The following GIT2 variants were observed in gnomAD, a reference collection of about 807,000 sequenced individuals.
GIT2 encodes ARF GTPase-activating protein GIT2.
In GIT2, 32 loss-of-function variants were observed where a neutral mutation model predicts 100.3. The observed-to-expected ratio is 0.32, with a 90% CI of 0.24 to 0.43. The LOEUF (loss-of-function observed/expected upper bound fraction) is 0.43, where lower values mean the gene tolerates loss of function less well. Ranked by LOEUF, GIT2 falls within the 20% of genes least tolerant of loss-of-function variation. The pLI, the probability that GIT2 is intolerant of heterozygous loss-of-function variation, is 1.00. For synonymous variants in GIT2, 353 were observed against 364.1 expected (o/e 0.97, Z 0.35); for missense variants, 737 against 975.1 (o/e 0.76, Z 3.25).
Position 109,945,338 on chromosome 12 carries a change from A to C in GIT2, c.1653T>G (p.Ser551Arg). The C allele has an allele frequency of 1.3e-6, 2 of 1,512,726 alleles. No individual in the cohort carries two copies. Among genetic ancestry groups the C allele is most frequent in the Non-Finnish European group, 1.8e-6 (2 of 1,088,698 alleles). 93.7% of individuals were successfully genotyped at this position (1,512,726 alleles called of 1,614,324 possible). A position where few individuals can be genotyped will look rare whatever the true frequency, so the allele number is the denominator to read the frequency against. Residue 551 changes from serine to arginine, a missense_variant, in exon 16 of 20, where the codon AGT (serine) becomes AGG (arginine). Physicochemically the swap from Ser to Arg is moderately radical, Grantham distance 110. Around this residue, in one of 3 missense-constraint regions of GIT2, gnomAD observed 451 missense variants for 543.7 expected, o/e 0.83. Coordinates refer to ENST00000355312, the MANE Select transcript of GIT2 (RefSeq NM_057169.5). ...LQPFPAHIGRSALVTSSSSLP... is the reference protein window; with the variant it reads ...LQPFPAHIGRRALVTSSSSLP... Reference sequence around the variant, plus strand: ...GAGATGAAGAGGAGGTCACAAGTGCACTCCTCCCGATCTGGAATGGGAAAG... The same window carrying C: ...GAGATGAAGAGGAGGTCACAAGTGCCCTCCTCCCGATCTGGAATGGGAAAG...
chr12:109,988,788 G>A (rs1368373862), intron 4 of GIT2, among the ~76,000 whole-genome samples, 175 bp downstream of exon 4: 1 of 150,116 alleles, frequency 6.7e-6, no homozygotes, highest in Non-Finnish European at 1.5e-5. Flanking sequence ...GGGAGGCAGA[G>A]GCTGCAGGGA....
In GIT2 at chr12:109,991,721, C is replaced by T; in HGVS notation, c.92G>A (p.Cys31Tyr). 6.2e-7 allele frequency: 1 copy of T among 1,613,134 alleles called. No individual in the cohort carries two copies. The highest frequency in any genetic ancestry group is 8.5e-7 in the Non-Finnish European group (1 of 1,179,214). The change falls in exon 2 of 20, where the codon TGT (cysteine) becomes TAT (tyrosine). Residue 31 changes from cysteine (C) to tyrosine (Y), a missense_variant. Around this residue, in one of 3 missense-constraint regions of GIT2, gnomAD observed 266 missense variants for 376.2 expected, o/e 0.71. Transcript: ENST00000355312. ...WASVNRGTFL[C>Y]DECCSVHRSL... ...CCGATGGACACTGCAGCACTCATCA[C>T]ATAAAAACGTTCCCCTATTTACTGA...
intron 15 of GIT2, among the ~76,000 whole-genome samples, chr12:109,945,776 A>G (rs1287454820): frequency 6.6e-6 from 1 of 152,218 alleles, no homozygotes; most frequent in Non-Finnish European, 1.5e-5. Context: ...CTAAAATAAG[A>G]AAGTACACTG....
At chr12:109,971,032 C>T (rs571312409) in intron 7 of GIT2, among the ~76,000 whole-genome samples, 36 of 152,320 alleles carry the variant, frequency 2.4e-4, no homozygotes, top group South Asian at 8.3e-4. Flanking sequence ...GTAGTCCTCC[C>T]GCCGTGGCCT....
rs891450412 is a variant in GIT2, at chr12:109,961,690, A to G, written c.817-5T>C. On this transcript the variant is annotated splice_polypyrimidine_tract_variant and splice_region_variant and intron_variant, in intron 9 of 19. Coordinates refer to ENST00000355312, the MANE Select transcript of GIT2 (RefSeq NM_057169.5). ...TTCAAACAAATGATTACTTAGCTGA[A>G]AATAAAAAATATCAGGAACACAAGG... The G allele has an allele frequency of 9.8e-6, 15 of 1,536,468 alleles. No homozygotes were observed. The African/African-American group carries it at 1.9e-4, about 20-fold the overall frequency.
intron 12 of GIT2, among the ~76,000 whole-genome samples, chr12:109,954,768 G>A (rs1053241973): frequency 2.0e-5 from 3 of 151,788 alleles, no homozygotes; most frequent in African/African-American, 7.3e-5. Context: ...GCGTGGTGGT[G>A]CACATCTGTA....
chr12:109,974,014 C>G (rs535657403), intron 7 of GIT2, among the ~76,000 whole-genome samples: 37 of 152,074 alleles, frequency 2.4e-4, no homozygotes, highest in African/African-American at 8.0e-4. Flanking sequence ...TGCACTCCAG[C>G]CTGGGTGACA....
chr12:109,958,715 T>C (rs1880249938), intron 12 of GIT2, among the ~76,000 whole-genome samples: 1 of 152,254 alleles, frequency 6.6e-6, no homozygotes, highest in South Asian at 2.1e-4. Flanking sequence ...CTTTGGGGAA[T>C]GTGATACTGA....
intron 13 of GIT2, 54 bp downstream of exon 13, chr12:109,953,038 G>A: frequency 6.3e-7 from 1 of 1,591,018 alleles, no homozygotes; most frequent in Non-Finnish European, 8.6e-7. Flanking sequence ...CTTTGGCAGG[G>A]CTAGCCCTCA....
intron 8 of GIT2, among the ~76,000 whole-genome samples, chr12:109,966,000 T>G (rs1882264487): frequency 1.3e-5 from 2 of 148,924 alleles, no homozygotes; most frequent in South Asian, 4.3e-4. Context: ...GGTTGTTTTT[T>G]TTTTTTTTTT....
At chr12:109,958,510 T>A (rs900156501) in intron 12 of GIT2, among the ~76,000 whole-genome samples, 1 of 152,230 alleles carries the variant, frequency 6.6e-6, no homozygotes, top group Non-Finnish European at 1.5e-5. Flanking sequence ...CTCAAAGTGC[T>A]GGGATTACAG....
rs1274159608 is a variant in GIT2 at position 109,932,002 on chromosome 12, C to T, written c.*976G>A. On this transcript the variant is annotated 3_prime_UTR_variant, in exon 20 of 20. Coordinates refer to ENST00000355312, the MANE Select transcript of GIT2 (RefSeq NM_057169.5). The stretch of plus-strand genomic sequence containing the variant: ...AAAGATGATGAAAAATGTGAAGCAA[C>T]TCATGTGAGAAAGCTGTAAGTGGTC... 1 of 152,192 alleles carries T rather than the reference C, an allele frequency of 6.6e-6. No homozygotes were observed. Among genetic ancestry groups the T allele is most frequent in the Non-Finnish European group, 1.5e-5 (1 of 68,058 alleles). 9.4% of individuals were successfully genotyped at this position (152,192 alleles called of 1,614,324 possible).
intron 8 of GIT2, among the ~76,000 whole-genome samples, chr12:109,966,794 A>G (rs1263198405): frequency 1.3e-5 from 2 of 152,232 alleles, no homozygotes; most frequent in East Asian, 3.8e-4. Flanking sequence ...ACAAGGGTTT[A>G]AGGATCATTC....
chr12:109,956,272 G>A (rs1593016679), intron 12 of GIT2, among the ~76,000 whole-genome samples: 1 of 152,274 alleles, frequency 6.6e-6, no homozygotes, highest in Non-Finnish European at 1.5e-5. Flanking sequence ...CTAGGGTGCA[G>A]ACGTGATCAT....
At chr12:109,980,836 A>G (rs1228823128) in intron 7 of GIT2, 116 bp downstream of exon 7, 3 of 720,642 alleles carry the variant, frequency 4.2e-6, no homozygotes, top group Non-Finnish European at 7.6e-6. Context: ...AGCCATATGT[A>G]TAGCTTTCTC....
chr12:109,991,309 C>CA (rs748628189), intron 2 of GIT2, among the ~76,000 whole-genome samples: 9,145 of 76,154 alleles, frequency 0.12, 529 homozygotes, highest in African/African-American at 0.24. Context: ...GAGTCCGTCT[C>CA]AAAAAAAAAA....
intron 4 of GIT2, 176 bp from the exon 5 acceptor site, chr12:109,983,870 T>C (rs1886827702): frequency 3.6e-6 from 2 of 561,122 alleles, no homozygotes; most frequent in African/African-American, 1.9e-5. Flanking sequence ...CCCTGGGCTG[T>C]AAGGTGGAGT....
chr12:109,977,262 T>C (rs1885293573), intron 7 of GIT2, among the ~76,000 whole-genome samples: 1 of 152,118 alleles, frequency 6.6e-6, no homozygotes, highest in Non-Finnish European at 1.5e-5. Context: ...GGCTCATGCC[T>C]GTAATCGGGA....
chr12:109,996,284 C>A lies in GIT2; in HGVS notation c.-60G>T. ...CGGGGGACAGCAAAGGCGGCGGTGG[C>A]GGCGGCGCTTCCGCTCTAACGGGTC... On this transcript the variant is annotated 5_prime_UTR_variant, in exon 1 of 20. Coordinates refer to ENST00000355312, the MANE Select transcript of GIT2 (RefSeq NM_057169.5). 4 of 1,242,454 alleles carry A rather than the reference C, an allele frequency of 3.2e-6. No homozygotes were observed. The highest frequency in any genetic ancestry group is 1.6e-5 in the African/African-American group (1 of 64,492). The allele number at this position is 1,242,454 out of a possible 1,614,324, so 77.0% of individuals were successfully genotyped here.
Sources: allele counts gnomAD v4.1 joint callset (sites outside exome capture counted in the v4.1 genomes callset), GRCh38; gene constraint gnomAD v4.1.1; regional missense constraint gnomAD v4.1.1; transcripts MANE v1.5; gene names NCBI Gene and HGNC (gene_info 2026-07-23, HGNC 2026-07-21).